Variants in DOK7 observed in about 807,000 individuals in gnomAD.
DOK7 encodes docking protein 7, also known as protein Dok-7.
Under a neutral mutation model 30.7 loss-of-function variants are expected in DOK7, and 32 were observed. That is an observed-to-expected ratio of 1.04 (90% confidence interval 0.79 to 1.40). The LOEUF is 1.40. DOK7 is among the 40% of genes most tolerant of loss of function. The probability of loss-of-function intolerance (pLI) is 0.00; values close to 1 mark genes in which losing one functional copy is unlikely to be tolerated. For synonymous variants in DOK7, 447 were observed against 324.1 expected (o/e 1.38, Z -4.07); for missense variants, 1,007 against 699.2 (o/e 1.44, Z -4.97).
rs1728404935 is a variant in DOK7, at chr4:3,491,284, TCCGCCCCCCCGCTCATTCATTC to T, written c.773-1473_773-1452del. Among the ~76,000 whole-genome samples, 41 of 97,984 alleles carry T rather than the reference TCCGCCCCCCCGCTCATTCATTC, an allele frequency of 4.2e-4. 1 individual carries two copies. The highest frequency in any genetic ancestry group is 1.6e-3 in the African/African-American group (38 of 24,408). The allele number at this position is 97,984 out of a possible 152,430, so 64.3% of individuals were successfully genotyped here. On this transcript the variant is annotated intron_variant, in intron 6 of 6. Transcript: ENST00000340083. ...ATTCATTCCTTCATTCATTCCTTCC[TCCGCCCCCCCGCTCATTCATTC>T]CTGCCTTCTCCCCCTGCTCATTCAT...
At chr4:3,494,510 C>G (rs982857863), downstream of DOK7, 1 of 985,492 alleles carries the variant, frequency 1.0e-6, no homozygotes, top group Non-Finnish European at 1.2e-6. Context: ...GTTGCCCAGC[C>G]CTCTCCGCCT....
chr4:3,500,528 G>A, intron 7 of DOK7: 2 of 1,475,896 alleles, frequency 1.4e-6, no homozygotes, highest in Non-Finnish European at 1.8e-6. Context: ...CCTCCCCCCA[G>A]GAGGCAAATG....
chr4:3,473,393 A>T lies in DOK7; in HGVS notation c.101-13A>T, dbSNP rs540761646. ...GTGTTGGCTGGCGTCCCTGACGGCCACGCTCCTTGCAGACTGCCTGCTGAT... is the reference window on the plus strand; with the variant it reads ...GTGTTGGCTGGCGTCCCTGACGGCCTCGCTCCTTGCAGACTGCCTGCTGAT... On this transcript the variant is annotated splice_polypyrimidine_tract_variant and intron_variant, in intron 2 of 6. Coordinates refer to ENST00000340083, the MANE Select transcript of DOK7 (RefSeq NM_173660.5). 1 of 1,610,420 alleles carries T rather than the reference A, an allele frequency of 6.2e-7. No homozygotes were observed. The highest frequency in any genetic ancestry group is 1.3e-5 in the African/African-American group (1 of 74,984).
downstream of DOK7, among the ~76,000 whole-genome samples, chr4:3,495,497 A>G (rs111662097): frequency 0.032 from 4,919 of 152,258 alleles, 103 homozygotes; most frequent in Non-Finnish European, 0.036. Flanking sequence ...CCCTGTGGGG[A>G]TGCGGCCGGG....
intron 6 of DOK7, among the ~76,000 whole-genome samples, chr4:3,499,661 T>G: frequency 6.8e-6 from 1 of 148,010 alleles, no homozygotes; most frequent in Non-Finnish European, 1.5e-5. Context: ...GGGAAGGGAG[T>G]AGCTCCTATG....
chr4:3,476,482 C>T lies in DOK7; in HGVS notation c.472C>T (p.Arg158Trp), dbSNP rs753436594. Residue 158 changes from arginine to tryptophan, a missense_variant, in exon 4 of 7, where the codon CGG becomes TGG. Arg to Trp is a moderately radical substitution (Grantham distance 101, BLOSUM62 -3). Transcript: ENST00000340083. ...GGGGCAGTGGAAGCTGTCTGACCTC[C>T]GGCGCTACGGGGCCGTGCCAAGCGG... The part of the protein sequence containing the change: ...VTGQWKLSDL[R>W]RYGAVPSGFI... The T allele has an allele frequency of 8.1e-6, 13 of 1,613,750 alleles. No individual in the cohort carries two copies. Among genetic ancestry groups the T allele is most frequent in the Middle Eastern group, 1.6e-4 (1 of 6,084 alleles).
At chr4:3,479,102 C>T (rs1400037492) in intron 4 of DOK7, among the ~76,000 whole-genome samples, 2 of 152,232 alleles carry the variant, frequency 1.3e-5, no homozygotes, top group African/African-American at 2.4e-5. Flanking sequence ...TCAAGGGGTC[C>T]TCAGGGTTGG....
intron 6 of DOK7, among the ~76,000 whole-genome samples, chr4:3,490,294 C>A (rs1218508458): frequency 1.0e-5 from 1 of 95,492 alleles, no homozygotes; most frequent in Non-Finnish European, 2.3e-5. Flanking sequence ...TCATTCATTT[C>A]TTCCTCCGCC....
At position 3,488,336 on chromosome 4, in the gene DOK7, G is replaced by T. The variant is rs118150571; in HGVS notation, c.653-1341G>T. Among the ~76,000 whole-genome samples, 8 of 152,358 alleles carry T rather than the reference G, an allele frequency of 5.3e-5. No homozygotes were observed. In the East Asian group the frequency reaches 1.2e-3, roughly 22 times the overall value. The stretch of plus-strand genomic sequence containing the variant: ...GGCCCTGTTCTGAGGTCCTGATGGG[G>T]TCTCCTGTAGTGAGCAAGGGCCCCA... On this transcript the variant is annotated intron_variant, in intron 5 of 6. Coordinates refer to ENST00000340083, the MANE Select transcript of DOK7 (RefSeq NM_173660.5).
exon 8 of DOK7, chr4:3,500,741 G>C (rs546206365): frequency 1.3e-6 from 2 of 1,535,512 alleles, no homozygotes; most frequent in East Asian, 4.9e-5. Flanking sequence ...CCACCGAGAC[G>C]GCGCACAGAG....
chr4:3,478,814 C>T (rs539587344), intron 4 of DOK7, among the ~76,000 whole-genome samples: 2 of 152,270 alleles, frequency 1.3e-5, no homozygotes, highest in South Asian at 4.2e-4. Flanking sequence ...TGGAGACAGG[C>T]GTGGCCACCA....
At chr4:3,492,649 G>T in intron 6 of DOK7, 110 bp from the exon 7 acceptor site, 1 of 1,485,528 alleles carries the variant, frequency 6.7e-7, no homozygotes. Context: ...GCTGGAAGGG[G>T]TGGGGCGAGA....
At chr4:3,490,483 T>C (rs1728249352) in intron 6 of DOK7, among the ~76,000 whole-genome samples, 2 of 127,304 alleles carry the variant, frequency 1.6e-5, no homozygotes, top group Non-Finnish European at 3.3e-5. Flanking sequence ...CCTCTGCTCA[T>C]TCATTCCTTC....
At chr4:3,467,631 AGT>A (rs1336366918) in intron 2 of DOK7, among the ~76,000 whole-genome samples, 3 of 152,000 alleles carry the variant, frequency 2.0e-5, no homozygotes, top group African/African-American at 7.3e-5. Context: ...CGTGTGAGCA[AGT>A]GTGAGCATTT....
At chr4:3,479,825 C>T (rs544444068) in intron 4 of DOK7, among the ~76,000 whole-genome samples, 200 of 152,322 alleles carry the variant, frequency 1.3e-3, no homozygotes, top group Middle Eastern at 3.4e-3. Flanking sequence ...GTGACAGCAA[C>T]CCCCGGGTCC....
chr4:3,499,884 G>A (rs547318054), intron 6 of DOK7, among the ~76,000 whole-genome samples: 23 of 152,158 alleles, frequency 1.5e-4, no homozygotes, highest in Admixed American at 1.4e-3. Context: ...AGCCAAGGAG[G>A]GGCGGTTGGT....
At chr4:3,500,850 C>A (rs1263192098) in exon 8 of DOK7, 4 of 1,517,906 alleles carry the variant, frequency 2.6e-6, no homozygotes, top group African/African-American at 1.4e-5. Context: ...GAGCTGACCG[C>A]AAACCCGGTG....
Position 3,476,424 on chromosome 4 carries a change from C to T in DOK7, c.414C>T (p.Leu138=), listed in dbSNP as rs771995943. 6 of 1,613,480 alleles carry T rather than the reference C, an allele frequency of 3.7e-6. No individual in the cohort carries two copies. Among genetic ancestry groups the T allele is most frequent in the Non-Finnish European group, 5.1e-6 (6 of 1,180,016 alleles). ...CCCTGCACCTCTGCAATGATGTCCT[C>T]GTCTTGGCCAGGGACATCCCCCCGG... is the stretch of plus-strand genomic sequence containing the variant. ...PATLHLCNDV[L]VLARDIPPAV... is the part of the protein sequence containing the mutation. Residue 138 remains leucine (L), a synonymous_variant, in exon 4 of 7, where the codon CTC becomes CTT. Coordinates refer to ENST00000340083, the MANE Select transcript of DOK7 (RefSeq NM_173660.5).
chr4:3,499,648 C>T (rs772709493), intron 6 of DOK7, among the ~76,000 whole-genome samples: 31 of 142,830 alleles, frequency 2.2e-4, no homozygotes, highest in Non-Finnish European at 4.3e-4. Flanking sequence ...GGAAGGGGGT[C>T]GGGGGAAGGG....
Sources: gnomAD v4.1 joint callset for allele counts (sites outside exome capture counted in the v4.1 genomes callset) on GRCh38, gnomAD v4.1.1 for gene constraint, MANE v1.5 for transcripts, NCBI Gene and HGNC (gene_info 2026-07-23, HGNC 2026-07-21) for gene names.